ADAMTS18: variants seen among roughly 807,000 people sequenced by gnomAD.
ADAMTS18 encodes A disintegrin and metalloproteinase with thrombospondin motifs 18.
Under a neutral mutation model 165.9 loss-of-function variants are expected in ADAMTS18, and 157 were observed. That is an observed-to-expected ratio of 0.95 (90% CI 0.83 to 1.08). The LOEUF (loss-of-function observed/expected upper bound fraction) is 1.08, where lower values mean the gene tolerates loss of function less well. Ranked by LOEUF, ADAMTS18 falls within the 50% of genes least tolerant of loss-of-function variation. ADAMTS18 has a pLI of 0.00. For missense variants in ADAMTS18, 2,040 were observed against 1,534.0 expected, an observed-to-expected ratio of 1.33 and a Z score of -5.51; for synonymous variants, 782 against 578.2, an observed-to-expected ratio of 1.35 and a Z score of -5.06.
chr16:77,300,630 G>C (rs2055564540), intron 16 of ADAMTS18, among the ~76,000 whole-genome samples: 1 of 151,942 alleles, frequency 6.6e-6, no homozygotes, highest in Non-Finnish European at 1.5e-5. Flanking sequence ...ATGCTAAAGA[G>C]CAAAACACGA....
At chr16:77,299,923 C>G (rs1324781839) in intron 17 of ADAMTS18, 1 of 157,980 alleles carries the variant, frequency 6.3e-6, no homozygotes, top group African/African-American at 2.4e-5. Context: ...AAAGCCAAGA[C>G]TGGCGGAAAC....
intron 3 of ADAMTS18, among the ~76,000 whole-genome samples, chr16:77,415,725 C>CAAAAAA (rs71137817): frequency 0.17 from 17,213 of 101,322 alleles, 1,877 homozygotes; most frequent in Middle Eastern, 0.21. Flanking sequence ...GCTGGGTAGG[C>CAAAAAA]AAAAAAAAAA....
At chr16:77,306,596 C>A (rs560355867) in intron 16 of ADAMTS18, among the ~76,000 whole-genome samples, 1 of 151,642 alleles carries the variant, frequency 6.6e-6, no homozygotes, top group Non-Finnish European at 1.5e-5. Context: ...CTCATTTTAC[C>A]ATAAAGGTTA....
intron 1 of ADAMTS18, 48 bp from the exon 2 acceptor site, chr16:77,434,553 G>C (rs1172032716): frequency 6.5e-7 from 1 of 1,532,636 alleles, no homozygotes; most frequent in Non-Finnish European, 8.7e-7. Flanking sequence ...GGCGGGGCTG[G>C]CGTCGGGCGC....
chr16:77,374,760 A>T (rs551713211), intron 3 of ADAMTS18, among the ~76,000 whole-genome samples: 2 of 152,292 alleles, frequency 1.3e-5, no homozygotes, highest in Admixed American at 6.5e-5. Context: ...AAAGCAATTT[A>T]AAAAATAATA....
intron 3 of ADAMTS18, among the ~76,000 whole-genome samples, chr16:77,428,357 G>C (rs915891863): frequency 6.6e-6 from 1 of 152,106 alleles, no homozygotes; most frequent in African/African-American, 2.4e-5. Context: ...TTTCAGAGGA[G>C]TTATGAACCC....
At chr16:77,300,553 A>C (rs1170258757) in intron 16 of ADAMTS18, 149 bp from the exon 17 acceptor site, 2 of 934,138 alleles carry the variant, frequency 2.1e-6, no homozygotes, top group Admixed American at 2.0e-5. Context: ...TTTTATGTTG[A>C]CTTAAAGCTT....
intron 10 of ADAMTS18, among the ~76,000 whole-genome samples, chr16:77,351,158 G>C (rs1426142507): frequency 6.6e-6 from 1 of 152,060 alleles, no homozygotes; most frequent in Non-Finnish European, 1.5e-5. Flanking sequence ...GTTATAAGTA[G>C]GTTTAAAAAC....
chr16:77,392,331 G>C (rs1169877890), intron 3 of ADAMTS18, among the ~76,000 whole-genome samples: 1 of 152,148 alleles, frequency 6.6e-6, no homozygotes, highest in African/African-American at 2.4e-5. Flanking sequence ...CTCATTAACT[G>C]AGTCCCAGCT....
chr16:77,344,091 C>A, intron 10 of ADAMTS18, among the ~76,000 whole-genome samples: 1 of 145,580 alleles, frequency 6.9e-6, no homozygotes, highest in Non-Finnish European at 1.5e-5. Flanking sequence ...ACTGAGAAAA[C>A]ATAGGGAAAC....
At position 77,286,800 on chromosome 16, in the gene ADAMTS18, T is replaced by G. The variant is rs187593712; in HGVS notation, c.3550+2464A>C. On this transcript the variant is annotated intron_variant, in intron 22 of 22. Transcript: ENST00000282849. ...CTTCCAGACACGTAAACACCCAGTT[T>G]CAATGCAGTGTGACACAAGTCTCTG... Among the ~76,000 whole-genome samples the G allele has an allele frequency of 2.3e-4, 35 of 152,262 alleles. No individual in the cohort carries two copies. In the South Asian group the frequency reaches 4.6e-3, roughly 20 times the overall value.
intron 9 of ADAMTS18, among the ~76,000 whole-genome samples, chr16:77,355,019 T>C (rs1597161183): frequency 6.6e-6 from 1 of 152,194 alleles, no homozygotes; most frequent in African/African-American, 2.4e-5. Flanking sequence ...TCACGTTTAA[T>C]ATGCTTTGTG....
intron 7 of ADAMTS18, 39 bp from the exon 8 acceptor site, chr16:77,359,462 G>A: frequency 6.5e-7 from 1 of 1,528,232 alleles, no homozygotes; most frequent in Non-Finnish European, 9.0e-7. Flanking sequence ...TCCAAAGGTT[G>A]CACACACAGA....
chr16:77,384,224 ACTCCT>A (rs1461969565), intron 3 of ADAMTS18, among the ~76,000 whole-genome samples: 2 of 152,030 alleles, frequency 1.3e-5, no homozygotes, highest in African/African-American at 2.4e-5. Context: ...CATTTAAGAA[ACTCCT>A]CTACTTCTGG....
rs8044126 is a variant in ADAMTS18, at chr16:77,404,916, G to C, written c.495+26379C>G. ...AAGCATGAATCCTTAACACAGTCTG[G>C]GAGTATCACAGAAGAATTTTTGCTG... On this transcript the variant is annotated intron_variant, in intron 3 of 22. Coordinates refer to ENST00000282849, the MANE Select transcript of ADAMTS18 (RefSeq NM_199355.4). Among the ~76,000 whole-genome samples, 1,096 of 152,238 alleles carry C rather than the reference G, an allele frequency of 7.2e-3. 15 individuals carry two copies. Among genetic ancestry groups the C allele is most frequent in the African/African-American group, 0.025 (1,051 of 41,536 alleles).
At chr16:77,360,817 T>C (rs1390468066) in intron 7 of ADAMTS18, among the ~76,000 whole-genome samples, 1 of 152,208 alleles carries the variant, frequency 6.6e-6, no homozygotes, top group Non-Finnish European at 1.5e-5. Flanking sequence ...CCTGGCACAG[T>C]GGCTCATGCC....
At chr16:77,434,200 A>T (rs985953146) in intron 2 of ADAMTS18, among the ~76,000 whole-genome samples, 6 of 149,552 alleles carry the variant, frequency 4.0e-5, no homozygotes, top group African/African-American at 1.5e-4. Context: ...AAGGAGGGAG[A>T]GTATTTGCTT....
intron 3 of ADAMTS18, among the ~76,000 whole-genome samples, chr16:77,382,818 C>A (rs1168456439): frequency 2.0e-5 from 3 of 152,224 alleles, no homozygotes; most frequent in African/African-American, 4.8e-5. Flanking sequence ...TGCAGCCAAC[C>A]TTCCCCCTGG....
intron 8 of ADAMTS18, among the ~76,000 whole-genome samples, chr16:77,358,739 T>C (rs559251924): frequency 2.6e-5 from 4 of 152,198 alleles, no homozygotes; most frequent in Non-Finnish European, 5.9e-5. Context: ...AACTGGTATA[T>C]CTGAAGAGTA....
Sources: gnomAD v4.1 joint callset for allele counts (sites outside exome capture counted in the v4.1 genomes callset) on GRCh38, gnomAD v4.1.1 for gene constraint, MANE v1.5 for transcripts, NCBI Gene and HGNC (gene_info 2026-07-23, HGNC 2026-07-21) for gene names.